Variants in TACC3 observed in about 807,000 individuals in gnomAD.
TACC3 encodes transforming acidic coiled-coil containing protein 3.
In TACC3, 52 loss-of-function variants were observed where a neutral mutation model predicts 86.0. The observed-to-expected ratio is 0.60, with a 90% confidence interval of 0.48 to 0.76. The LOEUF is 0.76. TACC3 is among the 30% of genes least tolerant of loss of function. The pLI, the probability that TACC3 is intolerant of heterozygous loss-of-function variation, is 0.00. For missense variants in TACC3, 1,120 were observed against 1,070.4 expected (o/e 1.05, Z -0.65); for synonymous variants, 512 against 430.0 (o/e 1.19, Z -2.36).
chr4:1,735,125 G>C lies in TACC3; in HGVS notation c.1592-148G>C. ...CAGGAGGCGCCTGCCGCAGACAGCA[G>C]TCAGGCCCCGAACATCCACACCTCC... is the stretch of plus-strand genomic sequence containing the variant. On this transcript the variant is annotated intron_variant, in intron 6 of 15. Transcript: ENST00000313288. This position sits in a 1 kb window ranked among gnomAD's most constrained non-coding sequence, Gnocchi z 4.2. The C allele has an allele frequency of 4.5e-6, 5 of 1,119,060 alleles. No homozygotes were observed. Among genetic ancestry groups the C allele is most frequent in the African/African-American group, 1.5e-5 (1 of 64,650 alleles). 69.3% of individuals were successfully genotyped at this position (1,119,060 alleles called of 1,614,324 possible).
At chr4:1,730,034 A>ACTTGTTTG (rs1717921908) in intron 4 of TACC3, among the ~76,000 whole-genome samples, 2 of 151,522 alleles carry the variant, frequency 1.3e-5, no homozygotes, top group Admixed American at 6.6e-5. Flanking sequence ...TCCTAGGGTT[A>ACTTGTTTG]TTTGTTTGTT....
intron 3 of TACC3, 147 bp from the exon 4 acceptor site, chr4:1,727,561 G>A: frequency 2.4e-6 from 3 of 1,275,164 alleles, no homozygotes; most frequent in Non-Finnish European, 1.1e-6. Context: ...GAACTGAGGT[G>A]GGGGGTGGAG....
At chr4:1,733,663 GA>G (rs999464896) in intron 6 of TACC3, among the ~76,000 whole-genome samples, 2 of 151,346 alleles carry the variant, frequency 1.3e-5, no homozygotes, top group African/African-American at 4.9e-5. Context: ...CTGAAGGAAA[GA>G]AAAAAAAGGC....
At position 1,724,700 on chromosome 4, in the gene TACC3, G is replaced by A. The variant is rs138647244; in HGVS notation, c.305+830G>A. On this transcript the variant is annotated intron_variant, in intron 3 of 15. Transcript: ENST00000313288. ...CTGGGCACCCAGGAACACCTCATCTGCATCCAGGGTGGGAAGGGACCCCAG... is the reference window on the plus strand; with the variant it reads ...CTGGGCACCCAGGAACACCTCATCTACATCCAGGGTGGGAAGGGACCCCAG... 7.0e-3 allele frequency among the ~76,000 whole-genome samples: 1,072 copies of A among 152,090 alleles called. 15 individuals are homozygous for A. The highest frequency in any genetic ancestry group is 0.025 in the African/African-American group (1,018 of 41,460).
rs141706579 is a variant in TACC3 at position 1,723,819 on chromosome 4, A to G, written c.254A>G (p.Asp85Gly). 1.4e-5 allele frequency: 22 copies of G among 1,613,576 alleles called. No individual in the cohort carries two copies. In the African/African-American group the frequency reaches 2.9e-4, roughly 22 times the overall value. Residue 85 changes from aspartate to glycine, a missense_variant, in exon 3 of 16, where the codon GAT becomes GGT. Physicochemically the swap from Asp to Gly is moderately conservative, Grantham distance 94. Transcript: ENST00000313288. ...ASKLEAPFTQ[D>G]DTLGLENSHP... ...AAACTTGAGGCTCCTTTCACTCAGG[A>G]TGACACCCTTGGACTGGAAAACTCA... is the stretch of plus-strand genomic sequence containing the variant.
chr4:1,744,364 T>G lies in TACC3; in HGVS notation c.2224-154T>G, dbSNP rs556907906. ...CCAGAGGGGGTGAGCTGGGAACTTG[T>G]GTGAAGGGGCTTTTTCCAAAAGGAA... On this transcript the variant is annotated intron_variant, in intron 13 of 15. Coordinates refer to ENST00000313288, the MANE Select transcript of TACC3 (RefSeq NM_006342.3). The G allele has an allele frequency of 2.3e-3, 1,529 of 667,722 alleles. 2 individuals carry two copies. Among genetic ancestry groups the G allele is most frequent in the Non-Finnish European group, 3.3e-3 (1,284 of 389,614 alleles). 41.4% of individuals were successfully genotyped at this position (667,722 alleles called of 1,614,324 possible).
At position 1,735,220 on chromosome 4, in the gene TACC3, C is replaced by A. The variant is rs1314199791; in HGVS notation, c.1592-53C>A. The A allele has an allele frequency of 6.2e-7, 1 of 1,611,778 alleles. No homozygotes were observed. Among genetic ancestry groups the A allele is most frequent in the East Asian group, 2.2e-5 (1 of 44,884 alleles). ...TGCTGAGGGAGACACCAGCCCGCCG[C>A]CCTTAGGGCCCTGGTGAGGGGCGAT... On this transcript the variant is annotated intron_variant, in intron 6 of 15. Coordinates refer to ENST00000313288, the MANE Select transcript of TACC3 (RefSeq NM_006342.3). This position sits in a 1 kb window ranked among gnomAD's most constrained non-coding sequence, Gnocchi z 4.2.
rs562744828 is a variant in TACC3, at chr4:1,737,480, G to A, written c.1837-118G>A. 8.9e-5 allele frequency: 98 copies of A among 1,097,688 alleles called. No homozygotes were observed. The African/African-American group carries it at 1.1e-3, about 13-fold the overall frequency. The allele number at this position is 1,097,688 out of a possible 1,614,324, so 68.0% of individuals were successfully genotyped here. ...TGCTGTTCCCTCGCCGCACTGTCTC[G>A]GGTCCCTCATGCACTGTCTGAGGCT... On this transcript the variant is annotated intron_variant, in intron 9 of 15. Transcript: ENST00000313288.
rs891240126 is a variant in TACC3 at position 1,738,983 on chromosome 4, G to A, written c.1942-719G>A. 2.9e-4 allele frequency among the ~76,000 whole-genome samples: 44 copies of A among 152,114 alleles called. 3 individuals carry two copies. Among genetic ancestry groups the A allele is most frequent in the Non-Finnish European group, 1.0e-4 (7 of 68,032 alleles). On this transcript the variant is annotated intron_variant, in intron 10 of 15. Coordinates refer to ENST00000313288, the MANE Select transcript of TACC3 (RefSeq NM_006342.3). The stretch of plus-strand genomic sequence containing the variant: ...TTTACTGAAACTAGAAGCAAGGGGC[G>A]AAGAGAACCAGGAATTTTAAATGGA...
At position 1,728,394 on chromosome 4, in the gene TACC3, CGAG is replaced by C; in HGVS notation, c.996_998del (p.Arg332del). The stretch of plus-strand genomic sequence containing the variant: ...GCTGCAGGCCAAATGGCCAGCTCCT[CGAG>C]GAGCGGACCTGTAAAACTAGAATTT... On this transcript the variant is annotated inframe_deletion, in exon 4 of 16. Transcript: ENST00000313288. 1.2e-6 allele frequency: 2 copies of C among 1,613,144 alleles called. No individual in the cohort carries two copies. The highest frequency in any genetic ancestry group is 1.7e-6 in the Non-Finnish European group (2 of 1,180,004).
In TACC3 at chr4:1,727,694, G is replaced by A. The variant is rs756913661; in HGVS notation, c.306-14G>A. The A allele has an allele frequency of 6.4e-7, 1 of 1,559,784 alleles. No individual in the cohort carries two copies. The highest frequency in any genetic ancestry group is 1.2e-5 in the South Asian group (1 of 82,584). ...GTACTCGCTGCTTCACGTTGATTAA[G>A]TCTCTTTTAAAAGCCAACAGCTCAT... On this transcript the variant is annotated splice_polypyrimidine_tract_variant and intron_variant, in intron 3 of 15. Transcript: ENST00000313288.
Position 1,741,060 on chromosome 4 carries a change from G to C in TACC3, c.2223+74G>C, listed in dbSNP as rs377481637. On this transcript the variant is annotated intron_variant, in intron 13 of 15. Transcript: ENST00000313288. ...ATGGTCCAAGCCAGCGGGGCTACAA[G>C]CTGCTGTCTTTGCACCTTGGTCCTT... 83 of 1,460,984 alleles carry C rather than the reference G, an allele frequency of 5.7e-5. No individual in the cohort carries two copies. In the Middle Eastern group the frequency reaches 8.9e-4, roughly 16 times the overall value. 90.5% of individuals were successfully genotyped at this position (1,460,984 alleles called of 1,614,324 possible).
chr4:1,743,428 C>G (rs1452403977), intron 13 of TACC3, among the ~76,000 whole-genome samples: 1 of 152,088 alleles, frequency 6.6e-6, no homozygotes, highest in Non-Finnish European at 1.5e-5. Flanking sequence ...TGGCACGCAC[C>G]TGTAGTCCCA....
rs776342165 is a variant in TACC3, at chr4:1,739,747, G to A, written c.1987G>A (p.Glu663Lys). Residue 663 changes from glutamate to lysine, a missense_variant, in exon 11 of 16, where the codon GAG becomes AAG. By Grantham distance (56) the Glu-to-Lys change is moderately conservative. Coordinates refer to ENST00000313288, the MANE Select transcript of TACC3 (RefSeq NM_006342.3). ...GAACCGGGAGCTGAGGAGCAGGTGT[G>A]AGGAGCTCCACGGGAAGAACCTGGA... Reference protein sequence around the residue: ...EENRELRSRCEELHGKNLELG... With the variant: ...EENRELRSRCKELHGKNLELG... 3 of 1,588,134 alleles carry A rather than the reference G, an allele frequency of 1.9e-6. No homozygotes were observed. Among genetic ancestry groups the A allele is most frequent in the Non-Finnish European group, 2.6e-6 (3 of 1,168,412 alleles).
intron 13 of TACC3, among the ~76,000 whole-genome samples, chr4:1,742,798 C>CAA (rs755757373): frequency 6.9e-4 from 92 of 133,196 alleles, no homozygotes; most frequent in Non-Finnish European, 8.0e-4. Flanking sequence ...GACTCCATCT[C>CAA]AAAAAAAAAA....
chr4:1,734,981 C>A (rs1416356379), intron 6 of TACC3, among the ~76,000 whole-genome samples: 1 of 152,248 alleles, frequency 6.6e-6, no homozygotes, highest in South Asian at 2.1e-4. Flanking sequence ...ACTAATAGTT[C>A]TCAACCAGAG....
intron 13 of TACC3, among the ~76,000 whole-genome samples, chr4:1,743,250 G>A (rs1190291052): frequency 4.3e-5 from 4 of 94,040 alleles, no homozygotes; most frequent in South Asian, 7.2e-4. Flanking sequence ...GCGAGACTCC[G>A]TCTCAAAAAA....
intron 15 of TACC3, 43 bp downstream of exon 15, chr4:1,744,875 C>T (rs1423915812): frequency 1.9e-6 from 3 of 1,612,634 alleles, no homozygotes; most frequent in South Asian, 2.2e-5. Flanking sequence ...CTGGCAGCAC[C>T]TTCTAGAAGG....
At position 1,728,501 on chromosome 4, in the gene TACC3, T is replaced by A. The variant is rs781685531; in HGVS notation, c.1099T>A (p.Leu367Met). ...LGERSGLKPP[L>M]RKAAVRQQKA... is the part of the protein sequence containing the mutation. ...AGAGAGGTCCGGCCTCAAGCCTCCC[T>A]TGAGGAAAGCAGCAGTGAGGCAGCA... Residue 367 changes from leucine to methionine, a missense_variant, in exon 4 of 16, where the codon TTG becomes ATG. Leu to Met is a conservative substitution (Grantham distance 15). Coordinates refer to ENST00000313288, the MANE Select transcript of TACC3 (RefSeq NM_006342.3). 1 of 1,613,748 alleles carries A rather than the reference T, an allele frequency of 6.2e-7. No homozygotes were observed. Among genetic ancestry groups the A allele is most frequent in the East Asian group, 2.2e-5 (1 of 44,884 alleles).
Sources: allele counts gnomAD v4.1 joint callset (sites outside exome capture counted in the v4.1 genomes callset), GRCh38; gene constraint gnomAD v4.1.1; non-coding constraint Gnocchi (gnomAD v3.1); transcripts MANE v1.5; gene names NCBI Gene and HGNC (gene_info 2026-07-23, HGNC 2026-07-21).